Variants in ANKS1A observed in about 807,000 individuals in gnomAD.
The protein encoded by ANKS1A is ankyrin repeat and SAM domain-containing protein 1A.
ANKS1A carries 55 observed loss-of-function variants against 120.3 expected under a neutral mutation model. The observed-to-expected ratio is 0.46, with a 90% CI of 0.37 to 0.57. ANKS1A has a LOEUF of 0.57. Among genes scored for constraint, ANKS1A ranks in the 20% least tolerant of loss-of-function variants. The pLI, the probability that ANKS1A is intolerant of heterozygous loss-of-function variation, is 0.00. For missense variants in ANKS1A, 1,123 were observed against 1,480.3 expected, an observed-to-expected ratio of 0.76 and a Z score of 3.96; for synonymous variants, 590 against 604.7, an observed-to-expected ratio of 0.98 and a Z score of 0.36.
At chr6:35,067,530 C>T (rs1246868229) in intron 13 of ANKS1A, among the ~76,000 whole-genome samples, 3 of 152,134 alleles carry the variant, frequency 2.0e-5, no homozygotes, top group Non-Finnish European at 4.4e-5. Context: ...GACGGGCGTG[C>T]TTGAGTTGGT....
At chr6:34,991,579 C>CAT (rs1279503625) in intron 9 of ANKS1A, among the ~76,000 whole-genome samples, 1 of 89,750 alleles carries the variant, frequency 1.1e-5, no homozygotes, top group East Asian at 4.9e-4. Flanking sequence ...CACACACACA[C>CAT]ATATACACAT....
rs116391555 is a variant in ANKS1A at position 35,005,301 on chromosome 6, C to T, written c.1423+10879C>T. 2.2e-4 allele frequency among the ~76,000 whole-genome samples: 34 copies of T among 152,252 alleles called. 1 individual carries two copies. The highest frequency in any genetic ancestry group is 9.6e-4 in the East Asian group (5 of 5,190). On this transcript the variant is annotated intron_variant, in intron 10 of 23. Coordinates refer to ENST00000360359, the MANE Select transcript of ANKS1A (RefSeq NM_015245.3). ...GTTTTCCACCATGTTAAGCAAAAAACGTGCTATTTGTCATTGAAACTGAGC... is the reference window on the plus strand; with the variant it reads ...GTTTTCCACCATGTTAAGCAAAAAATGTGCTATTTGTCATTGAAACTGAGC...
intron 11 of ANKS1A, 114 bp from the exon 12 acceptor site, chr6:35,053,985 C>T: frequency 2.5e-6 from 2 of 814,874 alleles, no homozygotes; most frequent in Non-Finnish European, 4.3e-6. Context: ...GGTGCTGGTC[C>T]TGGGAAGCAT....
Position 34,985,168 on chromosome 6 carries a change from G to A in ANKS1A, c.1099G>A (p.Ala367Thr), listed in dbSNP as rs1396205923. 6.2e-7 allele frequency: 1 copy of A among 1,614,170 alleles called. No individual in the cohort carries two copies. Among genetic ancestry groups the A allele is most frequent in the Non-Finnish European group, 8.5e-7 (1 of 1,180,028 alleles). ...GGGTCCCTACGAAGCTCTGTATAAT[G>A]CCATCTCCTGCCATTCGTTGGACAG... ...EEGPYEALYN[A>T]ISCHSLDSMA... Residue 367 changes from alanine to threonine, a missense_variant, in exon 8 of 24, where the codon GCC (alanine) becomes ACC (threonine). By Grantham distance (58) the Ala-to-Thr change is moderately conservative (BLOSUM62 0). Transcript: ENST00000360359.
At chr6:35,018,109 A>G (rs1774141978) in intron 11 of ANKS1A, 50 bp downstream of exon 11, 2 of 1,557,282 alleles carry the variant, frequency 1.3e-6, no homozygotes, top group Non-Finnish European at 1.7e-6. Flanking sequence ...GGCTGGCCGC[A>G]GCCCACCACA....
chr6:34,891,367 C>T lies in ANKS1A; in HGVS notation c.197+1768C>T, dbSNP rs377726999. Among the ~76,000 whole-genome samples, 13 of 152,330 alleles carry T rather than the reference C, an allele frequency of 8.5e-5. 1 individual carries two copies. In the East Asian group the frequency reaches 1.3e-3, roughly 16 times the overall value. ...TATATCATGTTTATATTCTCAGTCC[C>T]TAGATCAGTGCCTGACAACTTACAG... On this transcript the variant is annotated intron_variant, in intron 1 of 23. Transcript: ENST00000360359.
intron 10 of ANKS1A, among the ~76,000 whole-genome samples, chr6:34,999,906 AAGAG>A (rs1298833661): frequency 6.6e-6 from 1 of 152,038 alleles, no homozygotes; most frequent in Non-Finnish European, 1.5e-5. Flanking sequence ...GAGACAGAGA[AAGAG>A]AGAGGCAGAA....
At chr6:34,965,882 G>T (rs1029890409) in intron 1 of ANKS1A, among the ~76,000 whole-genome samples, 15 of 152,138 alleles carry the variant, frequency 9.9e-5, no homozygotes, top group African/African-American at 3.6e-4. Context: ...GAGTAGCTGG[G>T]ATTATAGGTG....
rs1317628024 is a variant in ANKS1A, at chr6:35,084,037, A to G, written c.2995-84A>G. On this transcript the variant is annotated intron_variant, in intron 20 of 23. Coordinates refer to ENST00000360359, the MANE Select transcript of ANKS1A (RefSeq NM_015245.3). This position sits in a 1 kb window ranked among gnomAD's most constrained non-coding sequence, Gnocchi z 4.8. ...GATGCTCTAGGCTGGGACAGAGAAC[A>G]GTGACAATGGTAACAGGCTGGGGCA... 6.4e-7 allele frequency: 1 copy of G among 1,569,518 alleles called. No homozygotes were observed. Among genetic ancestry groups the G allele is most frequent in the South Asian group, 1.2e-5 (1 of 85,284 alleles).
intron 1 of ANKS1A, among the ~76,000 whole-genome samples, chr6:34,952,748 C>T (rs548760910): frequency 1.3e-5 from 2 of 150,332 alleles, no homozygotes; most frequent in African/African-American, 4.9e-5. Flanking sequence ...CTCACTCTGT[C>T]GCCCAGGCTG....
At chr6:35,034,225 A>G (rs1016758117) in intron 11 of ANKS1A, among the ~76,000 whole-genome samples, 6 of 152,180 alleles carry the variant, frequency 3.9e-5, no homozygotes, top group African/African-American at 1.4e-4. Context: ...ATCCACTGCA[A>G]ATTGTGTATA....
chr6:35,095,556 C>CAAAAAAAA (rs34931330), downstream of ANKS1A, among the ~76,000 whole-genome samples: 1 of 55,276 alleles, frequency 1.8e-5, no homozygotes, highest in Non-Finnish European at 3.7e-5. Context: ...GACTGTGTCA[C>CAAAAAAAA]AAAAAAAAAA....
At chr6:34,895,505 C>T (rs1295772412) in intron 1 of ANKS1A, among the ~76,000 whole-genome samples, 3 of 152,002 alleles carry the variant, frequency 2.0e-5, no homozygotes, top group Admixed American at 2.0e-4. Context: ...TTACTTTTGC[C>T]CACTACTGTG....
rs1481031591 is a variant in ANKS1A at position 35,091,260 on chromosome 6, T to C, written c.*2651T>C. On this transcript the variant is annotated 3_prime_UTR_variant, in exon 24 of 24. Transcript: ENST00000360359. ...TATAAACACTTTGAGGTACCAAACA[T>C]AACCAATCTGTGCAACAACATAGAC... The C allele has an allele frequency of 8.1e-6, 8 of 985,908 alleles. No individual in the cohort carries two copies. Among genetic ancestry groups the C allele is most frequent in the African/African-American group, 1.7e-5 (1 of 57,384 alleles). 61.1% of individuals were successfully genotyped at this position (985,908 alleles called of 1,614,324 possible). A position where few individuals can be genotyped will look rare whatever the true frequency, so the allele number is the denominator to read the frequency against.
At chr6:34,996,933 A>C in intron 10 of ANKS1A, among the ~76,000 whole-genome samples, 1 of 152,204 alleles carries the variant, frequency 6.6e-6, no homozygotes, top group Non-Finnish European at 1.5e-5. Flanking sequence ...ATTTGTTGAA[A>C]AAGACCTTCC....
At chr6:34,983,903 T>C (rs1772046658) in intron 7 of ANKS1A, among the ~76,000 whole-genome samples, 1 of 151,828 alleles carries the variant, frequency 6.6e-6, no homozygotes, top group African/African-American at 2.4e-5. Context: ...ATGATTCTCC[T>C]GCCTCAGCCT....
intron 1 of ANKS1A, among the ~76,000 whole-genome samples, chr6:34,911,561 T>G (rs1309002501): frequency 1.3e-5 from 2 of 152,186 alleles, no homozygotes; most frequent in African/African-American, 4.8e-5. Flanking sequence ...CTCATGAGGC[T>G]CAAGGACTAT....
chr6:35,008,361 C>T (rs929146097), intron 10 of ANKS1A, among the ~76,000 whole-genome samples: 3 of 152,152 alleles, frequency 2.0e-5, no homozygotes, highest in Non-Finnish European at 2.9e-5. Flanking sequence ...AGACTAAAGG[C>T]ATGTGCCACC....
rs1561963387 is a variant in ANKS1A at position 35,079,952 on chromosome 6, G to A, written c.2544+24G>A. 3.9e-6 allele frequency: 6 copies of A among 1,549,520 alleles called. No homozygotes were observed. In the South Asian group the frequency reaches 6.0e-5, roughly 15 times the overall value. On this transcript the variant is annotated intron_variant, in intron 16 of 23. Transcript: ENST00000360359. The stretch of plus-strand genomic sequence containing the variant: ...GGGTGAGTCGGGGAGGGACAGAAAG[G>A]AATGTATGTTTGTTCCCTGTATTTG...
Sources: gnomAD v4.1 joint callset for allele counts (sites outside exome capture counted in the v4.1 genomes callset) on GRCh38, gnomAD v4.1.1 for gene constraint, Gnocchi (gnomAD v3.1) non-coding constraint, MANE v1.5 for transcripts, NCBI Gene and HGNC (gene_info 2026-07-23, HGNC 2026-07-21) for gene names.